Variants in GPHN observed in about 807,000 individuals in gnomAD.
GPHN encodes the protein gephyrin.
A neutral mutation model predicts 95.5 loss-of-function variants in GPHN; 17 were observed. That is an observed-to-expected ratio of 0.18 (90% CI 0.12 to 0.27). The LOEUF (loss-of-function observed/expected upper bound fraction) is 0.27. Ranked by LOEUF, GPHN falls within the 10% of genes least tolerant of loss-of-function variation. The pLI is 1.00. For missense variants in GPHN, 660 were observed against 978.1 expected (o/e 0.67, Z 4.34); for synonymous variants, 320 against 322.5 (o/e 0.99, Z 0.08).
At chr14:67,572,506 G>T in the GPHN span, among the ~76,000 whole-genome samples, 1 of 152,158 alleles carries the variant, frequency 6.6e-6, no homozygotes, top group Non-Finnish European at 1.5e-5. Context: ...ACCAGCAATG[G>T]CCAGTTACTG....
At chr14:67,473,932 C>A in the GPHN span, 2 of 1,591,352 alleles carry the variant, frequency 1.3e-6, no homozygotes, top group Admixed American at 1.7e-5. This position sits in a 1 kb window ranked among gnomAD's most constrained non-coding sequence, Gnocchi z 6.5. Flanking sequence ...ATGGCGCCGA[C>A]TGGGGCTGGC....
At chr14:66,827,212 G>A (rs1277862660) in intron 4 of GPHN, among the ~76,000 whole-genome samples, 5 of 151,948 alleles carry the variant, frequency 3.3e-5, no homozygotes, top group Non-Finnish European at 7.4e-5. Flanking sequence ...TTGAACCTGA[G>A]AGTAGAGGTT....
intron 1 of GPHN, among the ~76,000 whole-genome samples, chr14:66,596,098 C>T (rs1434560558): frequency 6.6e-6 from 1 of 151,978 alleles, no homozygotes; most frequent in Non-Finnish European, 1.5e-5. Context: ...GTCCCATCAT[C>T]TGCTCAGCTC....
At chr14:66,555,492 G>C (rs1004368055) in intron 1 of GPHN, among the ~76,000 whole-genome samples, 22 of 151,832 alleles carry the variant, frequency 1.4e-4, no homozygotes, top group African/African-American at 5.1e-4. Flanking sequence ...TCCTATGATT[G>C]CCCCCCCGCA....
At chr14:66,813,043 C>G (rs1201346545) in intron 3 of GPHN, among the ~76,000 whole-genome samples, 2 of 152,000 alleles carry the variant, frequency 1.3e-5, no homozygotes, top group East Asian at 3.9e-4. Flanking sequence ...TATAAACTAC[C>G]CTCACTGACA....
At chr14:66,782,411 T>C (rs989326681) in intron 3 of GPHN, among the ~76,000 whole-genome samples, 1 of 152,198 alleles carries the variant, frequency 6.6e-6, no homozygotes, top group Non-Finnish European at 1.5e-5. Flanking sequence ...AATATCTCTG[T>C]CATGTTTCAA....
chr14:67,710,406 GTT>G, the GPHN span, among the ~76,000 whole-genome samples: 3 of 152,156 alleles, frequency 2.0e-5, no homozygotes, highest in Non-Finnish European at 1.5e-5. Flanking sequence ...AAAGTTTTTG[GTT>G]TTGTTTGTTT....
chr14:67,089,152 T>TTTTTTTTTTTTTTTTTG, intron 12 of GPHN, 77 bp downstream of exon 12: 1 of 512,272 alleles, frequency 2.0e-6, no homozygotes, highest in Non-Finnish European at 3.6e-6. Context: ...TTTTTTTTTT[T>TTTTTTTTTTTTTTTTTG]TTTTTTCAAA....
At chr14:67,614,536 G>A in the GPHN span, among the ~76,000 whole-genome samples, 2 of 152,062 alleles carry the variant, frequency 1.3e-5, no homozygotes, top group Non-Finnish European at 2.9e-5. Flanking sequence ...GCTGAGGCAA[G>A]GAGGATCGCT....
chr14:66,860,062 A>G (rs188338601), intron 4 of GPHN, among the ~76,000 whole-genome samples: 1 of 152,310 alleles, frequency 6.6e-6, no homozygotes, highest in East Asian at 1.9e-4. Context: ...ACTTTATTCA[A>G]AGGGATAATA....
At chr14:67,045,083 C>G (rs1234086573) in intron 10 of GPHN, among the ~76,000 whole-genome samples, 1 of 152,142 alleles carries the variant, frequency 6.6e-6, no homozygotes, top group Non-Finnish European at 1.5e-5. Context: ...GTTTGCTTCT[C>G]CCTTGACTCA....
intron 10 of GPHN, among the ~76,000 whole-genome samples, chr14:67,027,626 G>A (rs192391625): frequency 6.6e-6 from 1 of 152,300 alleles, no homozygotes; most frequent in Admixed American, 6.5e-5. Flanking sequence ...ACGGTGCCCA[G>A]CCTTAATTGT....
Position 66,922,710 on chromosome 14 carries a change from C to G in GPHN, c.501C>G (p.Asp167Glu), listed in dbSNP as rs749859135. 5 of 1,613,306 alleles carry G rather than the reference C, an allele frequency of 3.1e-6. No homozygotes were observed. Among genetic ancestry groups the G allele is most frequent in the Admixed American group, 1.7e-5 (1 of 59,972 alleles). ...TGCCAGCTCTACCTCATGCCATTGA[C>G]CTTTTACGTGATGCCATTGTAAAAG... ...FILPALPHAI[D>E]LLRDAIVKVK... Residue 167 changes from aspartate to glutamate, a missense_variant, in exon 7 of 23, where the codon GAC becomes GAG. By Grantham distance (45) the Asp-to-Glu change is conservative (BLOSUM62 2). This residue lies in a region of GPHN where 71 missense variants were observed against 130.8 expected (regional missense o/e 0.54). Transcript: ENST00000478722.
chr14:66,707,156 A>G (rs1462119877), intron 2 of GPHN, among the ~76,000 whole-genome samples: 1 of 152,154 alleles, frequency 6.6e-6, no homozygotes, highest in African/African-American at 2.4e-5. Context: ...TAAAAAGTCA[A>G]TAAACAATAG....
chr14:66,925,338 T>A (rs890608668), intron 8 of GPHN, among the ~76,000 whole-genome samples: 3 of 152,218 alleles, frequency 2.0e-5, no homozygotes, highest in African/African-American at 7.2e-5. Context: ...CTGATTGTAA[T>A]CACCCTGTTG....
At chr14:66,621,727 T>C (rs1391255042) in intron 1 of GPHN, among the ~76,000 whole-genome samples, 2 of 152,198 alleles carry the variant, frequency 1.3e-5, no homozygotes, top group African/African-American at 4.8e-5. Flanking sequence ...CAGCCGGCTG[T>C]GAAATCTTAA....
chr14:67,543,425 G>C, the GPHN span, among the ~76,000 whole-genome samples: 3 of 152,190 alleles, frequency 2.0e-5, no homozygotes, highest in East Asian at 5.8e-4. Context: ...CGATAGAAAG[G>C]AATGAATATA....
the GPHN span, among the ~76,000 whole-genome samples, chr14:67,247,722 C>T: frequency 6.6e-6 from 1 of 152,154 alleles, no homozygotes; most frequent in African/African-American, 2.4e-5. Flanking sequence ...GGACCTACTG[C>T]AAGTGCCACT....
intron 11 of GPHN, among the ~76,000 whole-genome samples, chr14:67,077,975 A>G (rs569465352): frequency 2.0e-5 from 3 of 152,300 alleles, no homozygotes; most frequent in Admixed American, 2.0e-4. Flanking sequence ...GACACTCTGT[A>G]GAATCCGTAA....
Sources: gnomAD v4.1 joint callset for allele counts (sites outside exome capture counted in the v4.1 genomes callset) on GRCh38, gnomAD v4.1.1 for gene constraint, gnomAD v4.1.1 regional missense constraint, Gnocchi (gnomAD v3.1) non-coding constraint, MANE v1.5 for transcripts, NCBI Gene and HGNC (gene_info 2026-07-23, HGNC 2026-07-21) for gene names.